The following GRID1 variants were observed in gnomAD, a reference collection of about 807,000 sequenced individuals.
The protein encoded by GRID1 is glutamate ionotropic receptor delta type subunit 1.
In GRID1, 28 loss-of-function variants were observed where a neutral mutation model predicts 98.0. That is an observed-to-expected ratio of 0.29 (90% confidence interval 0.21 to 0.39). The LOEUF (loss-of-function observed/expected upper bound fraction) is 0.39. Among genes scored for constraint, GRID1 ranks in the 10% least tolerant of loss-of-function variants. The pLI is 1.00. For missense variants in GRID1, 1,111 were observed against 1,340.5 expected (o/e 0.83, Z 2.67); for synonymous variants, 553 against 538.5 (o/e 1.03, Z -0.37).
chr10:86,004,740 T>TCA (rs201671134), intron 4 of GRID1, among the ~76,000 whole-genome samples: 176 of 94,340 alleles, frequency 1.9e-3, no homozygotes, highest in African/African-American at 5.1e-3. Flanking sequence ...ACACACACAC[T>TCA]CACACACACA....
intron 8 of GRID1, among the ~76,000 whole-genome samples, chr10:85,817,130 T>C (rs1842723038): frequency 6.6e-6 from 1 of 152,222 alleles, no homozygotes; most frequent in East Asian, 1.9e-4. Context: ...TGATTCCATG[T>C]CTTTGCTATT....
chr10:85,901,700 C>G (rs1052582069), intron 5 of GRID1, among the ~76,000 whole-genome samples: 2 of 152,076 alleles, frequency 1.3e-5, no homozygotes, highest in Non-Finnish European at 2.9e-5. Context: ...AGTATTGCAG[C>G]CAGAATCATA....
intron 2 of GRID1, among the ~76,000 whole-genome samples, chr10:86,228,727 A>G (rs1424476153): frequency 2.2e-5 from 3 of 137,564 alleles, no homozygotes; most frequent in African/African-American, 7.4e-5. Flanking sequence ...AGACACCAAG[A>G]GACACCCACA....
At chr10:86,213,628 A>G (rs1389904545) in intron 2 of GRID1, among the ~76,000 whole-genome samples, 2 of 152,018 alleles carry the variant, frequency 1.3e-5, no homozygotes, top group Non-Finnish European at 2.9e-5. Flanking sequence ...CTCTTTATGG[A>G]ATCATCAACA....
intron 12 of GRID1, among the ~76,000 whole-genome samples, chr10:85,657,152 C>T (rs1227483631): frequency 6.6e-6 from 1 of 152,208 alleles, no homozygotes; most frequent in Admixed American, 6.5e-5. Context: ...TAGGTCGAAT[C>T]AAATGTTACC....
At chr10:85,745,465 C>T (rs867980671) in intron 8 of GRID1, among the ~76,000 whole-genome samples, 1 of 126,094 alleles carries the variant, frequency 7.9e-6, no homozygotes, top group African/African-American at 3.1e-5. Context: ...AGTAAACTAT[C>T]GCAAGAACGA....
chr10:86,197,197 AC>A (rs1845886552), intron 3 of GRID1, among the ~76,000 whole-genome samples: 1 of 151,674 alleles, frequency 6.6e-6, no homozygotes, highest in Non-Finnish European at 1.5e-5. Flanking sequence ...GGAAGGCCCC[AC>A]GGGACAGATG....
intron 3 of GRID1, among the ~76,000 whole-genome samples, chr10:86,185,954 A>G (rs966582519): frequency 5.3e-5 from 8 of 152,220 alleles, no homozygotes; most frequent in Non-Finnish European, 1.2e-4. Context: ...GTTTGGAAGT[A>G]TTCTCTTCAG....
chr10:86,085,469 G>A (rs1239461710), intron 4 of GRID1, among the ~76,000 whole-genome samples: 1 of 152,214 alleles, frequency 6.6e-6, no homozygotes, highest in Non-Finnish European at 1.5e-5. Flanking sequence ...AGCTGGTTGG[G>A]CCGGCTGAGA....
At chr10:86,348,332 A>G (rs981583844) in intron 2 of GRID1, among the ~76,000 whole-genome samples, 1 of 152,230 alleles carries the variant, frequency 6.6e-6, no homozygotes, top group African/African-American at 2.4e-5. Context: ...CATGACAGCA[A>G]TGAGGCGGCC....
chr10:85,797,213 C>G (rs1303134124), intron 8 of GRID1, among the ~76,000 whole-genome samples: 1 of 151,622 alleles, frequency 6.6e-6, no homozygotes, highest in Non-Finnish European at 1.5e-5. Flanking sequence ...TAATTTAAAT[C>G]AAAATTTCAA....
intron 4 of GRID1, among the ~76,000 whole-genome samples, chr10:85,950,342 A>G (rs1042367041): frequency 2.0e-5 from 3 of 152,200 alleles, no homozygotes; most frequent in African/African-American, 7.2e-5. Context: ...CATTGAGAGA[A>G]AGTGGTCCTG....
chr10:86,057,182 CA>C, intron 4 of GRID1, among the ~76,000 whole-genome samples: 1 of 152,120 alleles, frequency 6.6e-6, no homozygotes, highest in Non-Finnish European at 1.5e-5. Context: ...GAGAGAGAGA[CA>C]GAGTAGAAGG....
At chr10:86,124,390 C>T (rs1206983166) in intron 4 of GRID1, among the ~76,000 whole-genome samples, 8 of 152,322 alleles carry the variant, frequency 5.3e-5, no homozygotes, top group African/African-American at 1.7e-4. Context: ...ATGTGCTGAG[C>T]TCATTCCAGC....
intron 12 of GRID1, among the ~76,000 whole-genome samples, chr10:85,703,618 T>C (rs1841478902): frequency 6.6e-6 from 1 of 152,002 alleles, no homozygotes; most frequent in Non-Finnish European, 1.5e-5. Context: ...GAAAGAGAAA[T>C]GGAGTTGCAT....
chr10:86,152,835 G>A (rs562909846), intron 3 of GRID1, among the ~76,000 whole-genome samples: 2 of 152,332 alleles, frequency 1.3e-5, no homozygotes, highest in East Asian at 1.9e-4. Context: ...TCACCCGCCT[G>A]TGCCTTGCCA....
At chr10:86,087,358 T>TGC (rs1844075811) in intron 4 of GRID1, among the ~76,000 whole-genome samples, 1 of 150,912 alleles carries the variant, frequency 6.6e-6, no homozygotes, top group South Asian at 2.1e-4. Flanking sequence ...TGTGTGTGTG[T>TGC]GTGTGTGTGT....
chr10:86,027,414 C>T (rs968047740), intron 4 of GRID1, among the ~76,000 whole-genome samples: 6 of 152,222 alleles, frequency 3.9e-5, no homozygotes, highest in Admixed American at 3.3e-4. Flanking sequence ...CAAGCTGTAA[C>T]ATGTGTCAGA....
At chr10:85,639,888 A>ATAAT (rs1843094651) in intron 13 of GRID1, among the ~76,000 whole-genome samples, 1 of 152,224 alleles carries the variant, frequency 6.6e-6, no homozygotes, top group Non-Finnish European at 1.5e-5. Context: ...AAATAAATAA[A>ATAAT]TAAAATCTTT....
Sources: gnomAD v4.1 joint callset for allele counts (sites outside exome capture counted in the v4.1 genomes callset) on GRCh38, gnomAD v4.1.1 for gene constraint, MANE v1.5 for transcripts, NCBI Gene and HGNC (gene_info 2026-07-23, HGNC 2026-07-21) for gene names.